EXD3: variants seen among roughly 807,000 people sequenced by gnomAD.
EXD3 encodes exonuclease 3'-5' domain containing 3.
In EXD3, 92 loss-of-function variants were observed where a neutral mutation model predicts 98.0. The ratio of observed to expected loss-of-function variants is 0.94; its 90% CI spans 0.79 to 1.12. EXD3 has a LOEUF of 1.12. Among genes scored for constraint, EXD3 ranks in the 50% most tolerant of loss-of-function variants. The pLI is 0.00. For missense variants in EXD3, 1,222 were observed against 1,191.6 expected, an observed-to-expected ratio of 1.03 and a Z score of -0.38; for synonymous variants, 569 against 526.0, an observed-to-expected ratio of 1.08 and a Z score of -1.12.
chr9:137,401,152 C>T (rs999293275), intron 1 of EXD3, among the ~76,000 whole-genome samples: 1 of 108,340 alleles, frequency 9.2e-6, no homozygotes, highest in African/African-American at 3.6e-5. Flanking sequence ...CACCCATTTC[C>T]TTTTTTTTTT....
At position 137,324,951 on chromosome 9, in the gene EXD3, C is replaced by G. The variant is rs1178584573; in HGVS notation, c.1999-808G>C. ...TCGTGATCTGCCCGCCTCGGCCTCC[C>G]AAAGTGCTGGGATTACAGGTGTGAG... is the stretch of plus-strand genomic sequence containing the variant. On this transcript the variant is annotated intron_variant, in intron 17 of 21. Coordinates refer to ENST00000340951, the MANE Select transcript of EXD3 (RefSeq NM_017820.5). This position sits in a 1 kb window ranked among gnomAD's most constrained non-coding sequence, Gnocchi z 4.1. Among the ~76,000 whole-genome samples, 1 of 152,140 alleles carries G rather than the reference C, an allele frequency of 6.6e-6. No individual in the cohort carries two copies. Among genetic ancestry groups the G allele is most frequent in the Non-Finnish European group, 1.5e-5 (1 of 68,028 alleles).
intron 19 of EXD3, among the ~76,000 whole-genome samples, chr9:137,310,582 T>C (rs1831306196): frequency 6.6e-6 from 1 of 151,566 alleles, no homozygotes; most frequent in African/African-American, 2.4e-5. Flanking sequence ...ATGCTGGGGG[T>C]GGGGGCAGGG....
At chr9:137,342,650 G>A (rs570102073) in intron 17 of EXD3, among the ~76,000 whole-genome samples, 2 of 152,274 alleles carry the variant, frequency 1.3e-5, no homozygotes, top group Admixed American at 6.5e-5. Flanking sequence ...ATTAGGAACC[G>A]CAAACCACCT....
intron 10 of EXD3, chr9:137,353,888 C>T: frequency 1.0e-6 from 1 of 991,676 alleles, no homozygotes; most frequent in Non-Finnish European, 1.2e-6. Flanking sequence ...GGCGTGGGTT[C>T]CCACGTGGAC....
At chr9:137,310,053 C>G (rs1034878481) in intron 19 of EXD3, among the ~76,000 whole-genome samples, 3 of 152,268 alleles carry the variant, frequency 2.0e-5, no homozygotes, top group African/African-American at 7.2e-5. Flanking sequence ...ACACAGGGCC[C>G]AGCCTTAAGG....
chr9:137,369,119 G>A (rs1348286243), intron 5 of EXD3, among the ~76,000 whole-genome samples: 1 of 144,310 alleles, frequency 6.9e-6, no homozygotes, highest in Non-Finnish European at 1.5e-5. Flanking sequence ...TGGGAGTCTC[G>A]GAGTCGTGGG....
At chr9:137,312,368 G>A (rs929599737) in intron 19 of EXD3, among the ~76,000 whole-genome samples, 2 of 152,192 alleles carry the variant, frequency 1.3e-5, no homozygotes, top group Non-Finnish European at 2.9e-5. Flanking sequence ...AGGATCCCCC[G>A]TGTGCCTGGT....
At chr9:137,356,226 T>C (rs1367638329) in intron 8 of EXD3, 42 bp downstream of exon 8, 1 of 1,465,684 alleles carries the variant, frequency 6.8e-7, no homozygotes, top group African/African-American at 1.4e-5. Context: ...GCTTGGCGGC[T>C]CTCCCTGGCC....
chr9:137,353,087 GC>G, intron 10 of EXD3: 1 of 1,231,316 alleles, frequency 8.1e-7, no homozygotes, highest in Non-Finnish European at 1.0e-6. Context: ...GCCCCAGCTG[GC>G]CCCTCCTGGC....
Position 137,349,293 on chromosome 9 carries a change from A to T in EXD3, c.1658-11T>A, listed in dbSNP as rs1834124750. On this transcript the variant is annotated splice_polypyrimidine_tract_variant and intron_variant, in intron 15 of 21. Transcript: ENST00000340951. This position sits in a 1 kb window ranked among gnomAD's most constrained non-coding sequence, Gnocchi z 7.4. ...AGTAGGCGTCGGCAGCTGTGTGGGG[A>T]GTCGGCCTCAGCCTCCCGGGACAGA... The T allele has an allele frequency of 6.4e-7, 1 of 1,558,098 alleles. No individual in the cohort carries two copies. Among genetic ancestry groups the T allele is most frequent in the Admixed American group, 1.9e-5 (1 of 53,888 alleles).
At chr9:137,418,779 A>G (rs61163170) in intron 1 of EXD3, among the ~76,000 whole-genome samples, 2,999 of 151,528 alleles carry the variant, frequency 0.02, 81 homozygotes, top group African/African-American at 0.067. Context: ...AAAAAAAAAA[A>G]GGGGAAAGAG....
At chr9:137,378,716 T>G (rs1473951802) in intron 3 of EXD3, among the ~76,000 whole-genome samples, 1 of 152,230 alleles carries the variant, frequency 6.6e-6, no homozygotes, top group Non-Finnish European at 1.5e-5. Flanking sequence ...AGCCTTGATA[T>G]CGTGCTAAAT....
intron 1 of EXD3, among the ~76,000 whole-genome samples, chr9:137,416,392 C>T (rs1342865892): frequency 1.3e-5 from 2 of 152,228 alleles, no homozygotes; most frequent in Non-Finnish European, 2.9e-5. Flanking sequence ...GCCGGGCACC[C>T]CCAGGTCCAG....
At chr9:137,342,627 A>G (rs1465552099) in intron 17 of EXD3, among the ~76,000 whole-genome samples, 2 of 152,122 alleles carry the variant, frequency 1.3e-5, no homozygotes, top group Non-Finnish European at 1.5e-5. Flanking sequence ...CATACACCAC[A>G]TTGTTTGTAA....
At chr9:137,373,757 C>T (rs370667028) in intron 3 of EXD3, among the ~76,000 whole-genome samples, 158 bp from the exon 4 acceptor site, 2 of 152,236 alleles carry the variant, frequency 1.3e-5, no homozygotes, top group Non-Finnish European at 2.9e-5. Context: ...TTCATGCCGC[C>T]GTTCTGGTCC....
In EXD3 at chr9:137,395,134, G is replaced by A. The variant is rs147038890; in HGVS notation, c.55+169C>T. 4.4e-4 allele frequency among the ~76,000 whole-genome samples: 67 copies of A among 152,126 alleles called. No homozygotes were observed. The East Asian group carries it at 9.3e-3, about 21-fold the overall frequency. The stretch of plus-strand genomic sequence containing the variant: ...ACAACAAGGCCACAGTGGGGCCTCC[G>A]GACTCACAAGGTCCCAAGCCGTGGA... On this transcript the variant is annotated intron_variant, in intron 2 of 21. Coordinates refer to ENST00000340951, the MANE Select transcript of EXD3 (RefSeq NM_017820.5). The surrounding 1 kb of genome is among the most constrained non-coding windows in gnomAD (Gnocchi z 6.5).
chr9:137,365,848 G>A (rs977903955), intron 7 of EXD3: 7 of 340,746 alleles, frequency 2.1e-5, no homozygotes, highest in South Asian at 8.6e-5. Context: ...CTGCACAAAC[G>A]AACACAATGC....
Position 137,351,093 on chromosome 9 carries a change from G to C in EXD3, c.1439C>G (p.Ala480Gly). 1 of 1,583,728 alleles carries C rather than the reference G, an allele frequency of 6.3e-7. No individual in the cohort carries two copies. The highest frequency in any genetic ancestry group is 1.2e-5 in the South Asian group (1 of 86,546). ...GCCCAGAATCTGCTTCTCCACATGG[G>C]CCAGGGCGGGGCAGGACGTGCCCAG... ...QKLGTSCPAL[A>G]HVEKQILGGM... Residue 480 changes from alanine to glycine, a missense_variant, in exon 14 of 22, where the codon GCC becomes GGC. Ala to Gly is a moderately conservative substitution (Grantham distance 60, BLOSUM62 0). Transcript: ENST00000340951.
rs371302058 is a variant in EXD3 at position 137,307,693 on chromosome 9, G to A, written c.2279-47C>T. On this transcript the variant is annotated intron_variant, in intron 20 of 21. Transcript: ENST00000340951. ...TGGTCCGGGACTGTCCTAGGGATGG[G>A]GCTTGGCAGCCAGCGGGGTCCATGA... The A allele has an allele frequency of 2.9e-4, 472 of 1,600,430 alleles. 2 individuals are homozygous for A. The East Asian group carries it at 7.8e-3, about 26-fold the overall frequency.
Sources: allele counts gnomAD v4.1 joint callset (sites outside exome capture counted in the v4.1 genomes callset), GRCh38; gene constraint gnomAD v4.1.1; non-coding constraint Gnocchi (gnomAD v3.1); transcripts MANE v1.5; gene names NCBI Gene and HGNC (gene_info 2026-07-23, HGNC 2026-07-21).